CDKL5: variants seen among roughly 807,000 people sequenced by gnomAD.
The protein encoded by CDKL5 is cyclin dependent kinase like 5, also known as cyclin-dependent kinase-like 5.
In CDKL5, 8 loss-of-function variants were observed where a neutral mutation model predicts 61.7. The ratio of observed to expected loss-of-function variants is 0.13; its 90% CI spans 0.08 to 0.23. CDKL5 has a LOEUF of 0.23. Among genes scored for constraint, CDKL5 ranks in the 10% least tolerant of loss-of-function variants. The pLI is 1.00. For synonymous variants in CDKL5, 275 were observed against 272.3 expected (o/e 1.01, Z -0.10); for missense variants, 440 against 734.5 (o/e 0.60, Z 4.63).
chrX:18,622,739 A>G (rs1187321748), intron 16 of CDKL5, among the ~76,000 whole-genome samples: 3 of 111,414 alleles, frequency 2.7e-5, no homozygotes, highest in Non-Finnish European at 5.6e-5. Flanking sequence ...AAGCCCAAAA[A>G]TCACATAATC....
intron 1 of CDKL5, among the ~76,000 whole-genome samples, chrX:18,458,070 G>A (rs767125981): frequency 5.9e-4 from 63 of 107,006 alleles, no homozygotes; most frequent in African/African-American, 1.8e-3. Context: ...ACAGGCATGC[G>A]CCACCATGCC....
chrX:18,555,245 C>T (rs974455220), intron 3 of CDKL5, among the ~76,000 whole-genome samples: 12 of 110,680 alleles, frequency 1.1e-4, no homozygotes, highest in Non-Finnish European at 1.9e-4. Flanking sequence ...CGAAAGTGTC[C>T]CCAGATGTCT....
chrX:18,523,474 G>A (rs190691383), intron 3 of CDKL5, among the ~76,000 whole-genome samples: 1 of 111,706 alleles, frequency 9.0e-6, no homozygotes, highest in Non-Finnish European at 1.9e-5. Flanking sequence ...TTATATGACT[G>A]AACAATATTG....
intron 1 of CDKL5, among the ~76,000 whole-genome samples, chrX:18,437,266 A>T (rs1931632199): frequency 9.0e-6 from 1 of 111,504 alleles, no homozygotes; most frequent in East Asian, 2.8e-4. Flanking sequence ...TTTTTGTAGA[A>T]ATTCCCTTTA....
At chrX:18,542,659 ATT>A (rs199564053) in intron 3 of CDKL5, among the ~76,000 whole-genome samples, 10 of 95,890 alleles carry the variant, frequency 1.0e-4, no homozygotes, top group East Asian at 6.5e-4. Flanking sequence ...TAATATGATG[ATT>A]TTTTTTTTTT....
chrX:18,532,320 C>T (rs1365527385), intron 3 of CDKL5, among the ~76,000 whole-genome samples: 1 of 110,013 alleles, frequency 9.1e-6, no homozygotes, highest in Admixed American at 9.7e-5. Flanking sequence ...CTAACTTTAC[C>T]CTAAAGAAAC....
chrX:18,462,711 G>A (rs1436939129), intron 1 of CDKL5, among the ~76,000 whole-genome samples: 3 of 111,488 alleles, frequency 2.7e-5, no homozygotes, highest in African/African-American at 6.5e-5. Context: ...AACTTTTTTT[G>A]TAAGATGAAT....
intron 3 of CDKL5, among the ~76,000 whole-genome samples, chrX:18,541,583 T>G (rs1003509257): frequency 8.9e-6 from 1 of 111,766 alleles, no homozygotes; most frequent in Middle Eastern, 4.2e-3. Flanking sequence ...CAGGCTGGAG[T>G]GCAGTTGCAC....
At chrX:18,507,514 ATTT>A (rs1269104464) in intron 2 of CDKL5, among the ~76,000 whole-genome samples, 1 of 28,455 alleles carries the variant, frequency 3.5e-5, no homozygotes, top group Non-Finnish European at 7.4e-5. Flanking sequence ...GTTCCATTTT[ATTT>A]TTATATCAGC....
Position 18,476,961 on chromosome X carries a change from A to G in CDKL5, c.-162-29974A>G, listed in dbSNP as rs182093937. On this transcript the variant is annotated intron_variant, in intron 1 of 17. Coordinates refer to ENST00000623535, the MANE Select transcript of CDKL5 (RefSeq NM_001323289.2). ...ATTTTTGTATTTTTAGTAGAGATGG[A>G]GTTTCACCATGTTGGCCAGGATGGT... Among the ~76,000 whole-genome samples the G allele has an allele frequency of 6.0e-3, 646 of 108,034 alleles. 2 individuals are homozygous for G. The highest frequency in any genetic ancestry group is 0.05 in the Middle Eastern group (10 of 200). 93.8% of individuals were successfully genotyped at this position (108,034 alleles called of 115,157 possible).
intron 20 of CDKL5, among the ~76,000 whole-genome samples, chrX:18,648,578 T>C (rs1294434384): frequency 9.0e-6 from 1 of 111,491 alleles, no homozygotes; most frequent in Non-Finnish European, 1.9e-5. Flanking sequence ...CTCCTTTTAT[T>C]GGGAGCAGCA....
intron 1 of CDKL5, among the ~76,000 whole-genome samples, chrX:18,428,989 G>A (rs1014595539): frequency 9.0e-6 from 1 of 110,947 alleles, no homozygotes; most frequent in African/African-American, 3.3e-5. Flanking sequence ...GGTTTTGATC[G>A]TTTTTAGAAT....
rs1334797666 is a variant in CDKL5 at position 18,629,817 on chromosome X, T to C, written c.*1060T>C. 1.3e-6 allele frequency: 1 copy of C among 752,562 alleles called. No individual in the cohort carries two copies. The highest frequency in any genetic ancestry group is 2.3e-5 in the African/African-American group (1 of 43,217). 62.0% of individuals were successfully genotyped at this position (752,562 alleles called of 1,213,427 possible). A position where few individuals can be genotyped will look rare whatever the true frequency, so the allele number is the denominator to read the frequency against. On this transcript the variant is annotated 3_prime_UTR_variant, in exon 18 of 18. Coordinates refer to ENST00000623535, the MANE Select transcript of CDKL5 (RefSeq NM_001323289.2). Reference sequence around the variant, plus strand: ...GACGTTACTTGCACACAGGGGAGAATAGATTGAGGCGTTACTCGTGGGTCT... The same window carrying C: ...GACGTTACTTGCACACAGGGGAGAACAGATTGAGGCGTTACTCGTGGGTCT...
At chrX:18,463,585 G>A (rs139246571) in intron 1 of CDKL5, among the ~76,000 whole-genome samples, 1,535 of 111,531 alleles carry the variant, frequency 0.014, 10 homozygotes, top group Non-Finnish European at 0.021. Flanking sequence ...TTTATATTTG[G>A]GAAACAGAAT....
chrX:18,568,878 A>G (rs1156291865), intron 4 of CDKL5, among the ~76,000 whole-genome samples: 1 of 110,634 alleles, frequency 9.0e-6, no homozygotes, highest in Non-Finnish European at 1.9e-5. Flanking sequence ...CATTTTTTGT[A>G]GAGGCAAGGT....
intron 20 of CDKL5, chrX:18,650,219 T>C: frequency 2.0e-6 from 1 of 488,243 alleles, no homozygotes; most frequent in East Asian, 3.7e-5. Context: ...TGGGAGGGCC[T>C]GTCCAGGCAG....
intron 20 of CDKL5, chrX:18,650,353 C>T (rs777709363): frequency 1.1e-5 from 12 of 1,130,115 alleles, no homozygotes; most frequent in African/African-American, 8.9e-5. Flanking sequence ...GTCTGGGAGC[C>T]GATGCCTGCC....
At chrX:18,467,158 A>G (rs1191219737) in intron 1 of CDKL5, among the ~76,000 whole-genome samples, 1 of 110,662 alleles carries the variant, frequency 9.0e-6, no homozygotes, top group East Asian at 2.8e-4. Flanking sequence ...CCTGAGGTCT[A>G]AGAACAACTT....
Position 18,633,527 on chromosome X carries a change from G to T in CDKL5, c.*4770G>T. 2 of 754,093 alleles carry T rather than the reference G, an allele frequency of 2.7e-6. No homozygotes were observed. The highest frequency in any genetic ancestry group is 3.1e-6 in the Non-Finnish European group (2 of 639,068). 62.1% of individuals were successfully genotyped at this position (754,093 alleles called of 1,213,427 possible). A position where few individuals can be genotyped will look rare whatever the true frequency, so the allele number is the denominator to read the frequency against. ...ATTTCTTCCTTTTGCTTCTTGACCAGCTGAGATACAGAATATCTTGAGGTC... is the reference window on the plus strand; with the variant it reads ...ATTTCTTCCTTTTGCTTCTTGACCATCTGAGATACAGAATATCTTGAGGTC... On this transcript the variant is annotated 3_prime_UTR_variant, in exon 18 of 18. Transcript: ENST00000623535.
Sources: allele counts gnomAD v4.1 joint callset (sites outside exome capture counted in the v4.1 genomes callset), GRCh38; gene constraint gnomAD v4.1.1; transcripts MANE v1.5; gene names NCBI Gene and HGNC (gene_info 2026-07-23, HGNC 2026-07-21).